CELF2: variants seen among roughly 807,000 people sequenced by gnomAD.
The protein encoded by CELF2 is CUG triplet repeat RNA-binding protein 2.
In CELF2, 8 loss-of-function variants were observed where a neutral mutation model predicts 62.6. The observed-to-expected ratio is 0.13, with a 90% CI of 0.07 to 0.23. CELF2 has a LOEUF of 0.23. CELF2 is among the 10% of genes least tolerant of loss of function. The pLI, the probability that CELF2 is intolerant of heterozygous loss-of-function variation, is 1.00. For synonymous variants in CELF2, 258 were observed against 250.0 expected, an observed-to-expected ratio of 1.03 and a Z score of -0.30; for missense variants, 333 against 671.0, an observed-to-expected ratio of 0.50 and a Z score of 5.56.
the CELF2 span, among the ~76,000 whole-genome samples, chr10:10,723,036 A>T: frequency 6.6e-6 from 1 of 152,220 alleles, no homozygotes; most frequent in Non-Finnish European, 1.5e-5. Flanking sequence ...TCCCTCATCC[A>T]TCATTATGTA....
chr10:10,952,746 A>G (rs1286067447), intron 2 of CELF2, among the ~76,000 whole-genome samples: 1 of 152,142 alleles, frequency 6.6e-6, no homozygotes, highest in Non-Finnish European at 1.5e-5. Context: ...TTAATCAGCC[A>G]TTTGTATAAT....
the CELF2 span, among the ~76,000 whole-genome samples, chr10:10,725,943 T>G: frequency 6.6e-6 from 1 of 151,946 alleles, no homozygotes. Context: ...TTTCCAGCAA[T>G]GATTATTTCT....
the CELF2 span, among the ~76,000 whole-genome samples, chr10:10,466,951 T>C: frequency 6.6e-6 from 1 of 152,164 alleles, no homozygotes; most frequent in African/African-American, 2.4e-5. Flanking sequence ...TCTTTTCAGA[T>C]GAGTGTATGG....
chr10:10,883,006 G>GA (rs1390348039), intron 1 of CELF2, among the ~76,000 whole-genome samples: 1 of 152,142 alleles, frequency 6.6e-6, no homozygotes, highest in Non-Finnish European at 1.5e-5. Context: ...CCTGTCTCTT[G>GA]AAATGTCAGT....
At chr10:10,834,528 T>A (rs1373376814) in intron 1 of CELF2, among the ~76,000 whole-genome samples, 5 of 152,188 alleles carry the variant, frequency 3.3e-5, no homozygotes, top group Non-Finnish European at 7.4e-5. Flanking sequence ...CCAGACCATG[T>A]GTATTCCCTA....
chr10:10,965,707 C>T (rs1222371884), intron 2 of CELF2, among the ~76,000 whole-genome samples: 1 of 152,176 alleles, frequency 6.6e-6, no homozygotes, highest in Non-Finnish European at 1.5e-5. Flanking sequence ...GAACCAAATA[C>T]AGTCAAGGAA....
At chr10:11,238,333 A>G (rs1446145365) in intron 3 of CELF2, among the ~76,000 whole-genome samples, 2 of 152,242 alleles carry the variant, frequency 1.3e-5, no homozygotes, top group Non-Finnish European at 2.9e-5. Context: ...TAGCAGCACT[A>G]TAATCCTATA....
At chr10:11,136,353 A>C (rs2060435981) in intron 1 of CELF2, among the ~76,000 whole-genome samples, 2 of 152,224 alleles carry the variant, frequency 1.3e-5, no homozygotes, top group African/African-American at 4.8e-5. Context: ...CTGTAATCCC[A>C]GCACTCTGGG....
intron 8 of CELF2, among the ~76,000 whole-genome samples, chr10:11,287,222 A>G (rs1370866373): frequency 6.6e-6 from 1 of 152,246 alleles, no homozygotes; most frequent in Admixed American, 6.5e-5. Flanking sequence ...AGAAGGTAAA[A>G]TGAAGCTGAA....
At chr10:11,239,177 A>C (rs1293018490) in intron 3 of CELF2, among the ~76,000 whole-genome samples, 1 of 151,968 alleles carries the variant, frequency 6.6e-6, no homozygotes, top group East Asian at 1.9e-4. Flanking sequence ...TTCCTGCAAT[A>C]TTTTATTTTA....
the CELF2 span, among the ~76,000 whole-genome samples, chr10:10,567,270 C>T: frequency 6.6e-6 from 1 of 152,210 alleles, no homozygotes; most frequent in Non-Finnish European, 1.5e-5. Context: ...ACACTTCCAA[C>T]AAACCGACCA....
At chr10:10,954,036 G>A (rs532648330) in intron 2 of CELF2, among the ~76,000 whole-genome samples, 1 of 151,662 alleles carries the variant, frequency 6.6e-6, no homozygotes, top group African/African-American at 2.4e-5. Context: ...TCCTAATAAA[G>A]CAAATGCAAA....
the CELF2 span, among the ~76,000 whole-genome samples, chr10:10,702,711 A>G: frequency 6.6e-6 from 1 of 152,236 alleles, no homozygotes; most frequent in Non-Finnish European, 1.5e-5. Flanking sequence ...CAGCCTCCTG[A>G]GTAGCTGGGA....
At position 10,931,116 on chromosome 10, in the gene CELF2, G is replaced by C. The variant is rs1011696550; in HGVS notation, c.89+11117G>C. 8.5e-5 allele frequency among the ~76,000 whole-genome samples: 13 copies of C among 152,072 alleles called. No individual in the cohort carries two copies. Among genetic ancestry groups the C allele is most frequent in the African/African-American group, 2.7e-4 (11 of 41,406 alleles). ...TAAACCCTGTAAACCTTTCTTTTCG[G>C]ATTAGGTTTTGTAAATGTTTCTATT... is the stretch of plus-strand genomic sequence containing the variant. On this transcript the variant is annotated intron_variant, in intron 2 of 13. Transcript: ENST00000636488. This position sits in a 1 kb window ranked among gnomAD's most constrained non-coding sequence, Gnocchi z 6.1.
chr10:10,751,011 A>C, the CELF2 span, among the ~76,000 whole-genome samples: 2,422 of 152,324 alleles, frequency 0.016, 67 homozygotes, highest in African/African-American at 0.056. Flanking sequence ...TCTCAAAATA[A>C]TTGTTTGAGG....
chr10:10,550,316 G>A, the CELF2 span, among the ~76,000 whole-genome samples: 5 of 152,156 alleles, frequency 3.3e-5, no homozygotes, highest in African/African-American at 1.2e-4. Context: ...CTGAGGATGC[G>A]GAAGAGGAAG....
intron 2 of CELF2, among the ~76,000 whole-genome samples, chr10:10,955,106 G>C (rs944093536): frequency 3.3e-5 from 5 of 152,162 alleles, no homozygotes; most frequent in African/African-American, 1.2e-4. Flanking sequence ...CTTTAAATTT[G>C]TCATTCACCT....
chr10:10,795,362 A>G (rs1359807336), upstream of CELF2, among the ~76,000 whole-genome samples: 1 of 152,150 alleles, frequency 6.6e-6, no homozygotes, highest in Non-Finnish European at 1.5e-5. Flanking sequence ...TGTGAAAAAG[A>G]AGACAAAGAG....
chr10:10,904,106 T>C (rs746877063), intron 1 of CELF2, among the ~76,000 whole-genome samples: 1 of 152,248 alleles, frequency 6.6e-6, no homozygotes, highest in Non-Finnish European at 1.5e-5. Context: ...AATGTACCCA[T>C]GGAATATTTT....
Sources: allele counts gnomAD v4.1 joint callset (sites outside exome capture counted in the v4.1 genomes callset), GRCh38; gene constraint gnomAD v4.1.1; non-coding constraint Gnocchi (gnomAD v3.1); transcripts MANE v1.5; gene names NCBI Gene and HGNC (gene_info 2026-07-23, HGNC 2026-07-21).